Variants in HLA-DRB5 observed in about 807,000 individuals in gnomAD.
HLA-DRB5 encodes the protein DR beta-5.
A neutral mutation model predicts 22.4 loss-of-function variants in HLA-DRB5; 11 were observed. That is an observed-to-expected ratio of 0.49 (90% CI 0.31 to 0.81). The LOEUF is 0.81. HLA-DRB5 is among the 40% of genes least tolerant of loss of function. The pLI, the probability that HLA-DRB5 is intolerant of heterozygous loss-of-function variation, is 0.05. For missense variants in HLA-DRB5, 106 were observed against 274.4 expected (o/e 0.39, Z 4.34); for synonymous variants, 57 against 106.0 (o/e 0.54, Z 2.84).
chr6:32,529,695 CA>C (rs1350119735), intron 1 of HLA-DRB5, among the ~76,000 whole-genome samples: 1 of 94,352 alleles, frequency 1.1e-5, no homozygotes, highest in Non-Finnish European at 2.1e-5. Flanking sequence ...CAGGTTCTGT[CA>C]AGGGCATAAC....
rs796430061 is a variant in HLA-DRB5 at position 32,525,329 on chromosome 6, A to T, written c.101-3155T>A. On this transcript the variant is annotated intron_variant, in intron 1 of 5. Transcript: ENST00000374975. ...TTTTTGTAAGTGTGAAATTTAATAA[A>T]GAGTCTTCTTAGCAGTGATCACATA... Among the ~76,000 whole-genome samples the T allele has an allele frequency of 6.6e-4, 21 of 31,768 alleles. 7 individuals carry two copies. Among genetic ancestry groups the T allele is most frequent in the East Asian group, 8.7e-4 (1 of 1,156 alleles). 20.8% of individuals were successfully genotyped at this position (31,768 alleles called of 152,430 possible). A position where few individuals can be genotyped will look rare whatever the true frequency, so the allele number is the denominator to read the frequency against.
chr6:32,524,751 T>C (rs114987819), intron 1 of HLA-DRB5, among the ~76,000 whole-genome samples: 4,563 of 81,216 alleles, frequency 0.056, 12 homozygotes, highest in Middle Eastern at 0.078. Flanking sequence ...TCACTGTCAC[T>C]GTGGCTTGCA....
chr6:32,525,496 A>G (rs372601143), intron 1 of HLA-DRB5, among the ~76,000 whole-genome samples: 2 of 113,408 alleles, frequency 1.8e-5, no homozygotes, highest in East Asian at 4.9e-4. Context: ...TATTAGTTTC[A>G]TAAAGAATTG....
chr6:32,529,210 C>G (rs73727913), intron 1 of HLA-DRB5, among the ~76,000 whole-genome samples: 73,714 of 104,608 alleles, frequency 0.7, 25,982 homozygotes, highest in Middle Eastern at 0.8. Flanking sequence ...TGTCCACATT[C>G]TCTCTGTAAC....
Position 32,524,050 on chromosome 6 carries a change from G to A in HLA-DRB5, c.101-1876C>T, listed in dbSNP as rs997343543. ...CAAGGGTGATGGGAGGGAAAGGAGC[G>A]GTGGTGAACGATCCCTGGGTAAGAA... On this transcript the variant is annotated intron_variant, in intron 1 of 5. Transcript: ENST00000374975. Among the ~76,000 whole-genome samples the A allele has an allele frequency of 6.7e-5, 3 of 45,034 alleles. 1 individual carries two copies. 29.5% of individuals were successfully genotyped at this position (45,034 alleles called of 152,430 possible).
chr6:32,526,885 A>T (rs116419978), intron 1 of HLA-DRB5, among the ~76,000 whole-genome samples: 3,699 of 31,222 alleles, frequency 0.12, 670 homozygotes, highest in Non-Finnish European at 0.13. Flanking sequence ...AAATCATCTC[A>T]AACTTAAACA....
chr6:32,526,057 T>G (rs111504925), intron 1 of HLA-DRB5, among the ~76,000 whole-genome samples: 4,983 of 64,234 alleles, frequency 0.078, 99 homozygotes, highest in African/African-American at 0.1. Flanking sequence ...TTGATCCAGC[T>G]GGCTCCCTGA....
At chr6:32,523,376 T>C (rs114730467) in intron 1 of HLA-DRB5, among the ~76,000 whole-genome samples, 4,438 of 31,728 alleles carry the variant, frequency 0.14, 1,664 homozygotes, top group East Asian at 0.18. Context: ...ATATGTAAAA[T>C]ACTATATATT....
intron 2 of HLA-DRB5, 52 bp downstream of exon 2, chr6:32,521,853 A>ACCCT: frequency 1.7e-6 from 1 of 593,192 alleles, no homozygotes; most frequent in Non-Finnish European, 2.5e-6. Context: ...ACACACACAC[A>ACCCT]CTCAGATTCC....
chr6:32,528,318 TCCAC>T (rs1562452089), intron 1 of HLA-DRB5, among the ~76,000 whole-genome samples: 37 of 31,070 alleles, frequency 1.2e-3, no homozygotes, highest in Non-Finnish European at 2.3e-3. Flanking sequence ...GTCTGTCTCC[TCCAC>T]TCTTGTGTAA....
At position 32,518,622 on chromosome 6, in the gene HLA-DRB5, C is replaced by T. The variant is rs1336634184; in HGVS notation, c.697G>A (p.Gly233Arg). The T allele has an allele frequency of 4.5e-6, 3 of 661,298 alleles. 1 individual carries two copies. The highest frequency in any genetic ancestry group is 5.0e-5 in the South Asian group (2 of 40,294). 41.0% of individuals were successfully genotyped at this position (661,298 alleles called of 1,614,324 possible). Residue 233 changes from glycine (G) to arginine (R), a missense_variant, in exon 4 of 6, where the codon GGG (glycine) becomes AGG (arginine). By Grantham distance (125) the Gly-to-Arg change is moderately radical (BLOSUM62 -2). Coordinates refer to ENST00000374975, the MANE Select transcript of HLA-DRB5 (RefSeq NM_002125.4). ...SAQSKMLSGV[G>R]GFVLGLLFLG... ...AAGAGCAGGCCCAGCACAAAGCCCC[C>T]GACTCCACTCAGCATCTTGCTCTGT...
chr6:32,521,055 A>AAT (rs1554265262), intron 2 of HLA-DRB5, among the ~76,000 whole-genome samples: 53 of 28,370 alleles, frequency 1.9e-3, no homozygotes, highest in Admixed American at 3.3e-3. Flanking sequence ...CAAATAAAAA[A>AAT]ATAAATTAAA....
At chr6:32,525,843 T>C in intron 1 of HLA-DRB5, among the ~76,000 whole-genome samples, 1 of 71,646 alleles carries the variant, frequency 1.4e-5, no homozygotes, top group Non-Finnish European at 2.8e-5. Context: ...TATTCATCAC[T>C]CCATTCTCAT....
At chr6:32,523,768 AAACCAT>A (rs201186581) in intron 1 of HLA-DRB5, among the ~76,000 whole-genome samples, 18,725 of 77,118 alleles carry the variant, frequency 0.24, 381 homozygotes, top group Middle Eastern at 0.34. Flanking sequence ...AAGCAAAAAT[AAACCAT>A]AAAGAACTGA....
In HLA-DRB5 at chr6:32,520,131, G is replaced by A. The variant is rs375309052; in HGVS notation, c.371-480C>T. Among the ~76,000 whole-genome samples the A allele has an allele frequency of 8.9e-3, 340 of 38,346 alleles. 8 individuals carry two copies. The highest frequency in any genetic ancestry group is 0.024 in the Middle Eastern group (1 of 42). 25.2% of individuals were successfully genotyped at this position (38,346 alleles called of 152,430 possible). On this transcript the variant is annotated intron_variant, in intron 2 of 5. Coordinates refer to ENST00000374975, the MANE Select transcript of HLA-DRB5 (RefSeq NM_002125.4). Reference sequence around the variant, plus strand: ...ATATATAAAACAATGACTGAAGATAGCCTTTAATTTATGAGGTCATAAAGC... The same window carrying A: ...ATATATAAAACAATGACTGAAGATAACCTTTAATTTATGAGGTCATAAAGC...
At chr6:32,528,858 G>A (rs577767363) in intron 1 of HLA-DRB5, among the ~76,000 whole-genome samples, 338 of 23,446 alleles carry the variant, frequency 0.014, 29 homozygotes, top group Middle Eastern at 0.036. Flanking sequence ...AGGAAGGATA[G>A]CTTGAGTCTT....
At chr6:32,521,280 AC>A (rs371494104) in intron 2 of HLA-DRB5, among the ~76,000 whole-genome samples, 2,855 of 55,890 alleles carry the variant, frequency 0.051, 11 homozygotes, top group Non-Finnish European at 0.069. Context: ...GTAAAAATAT[AC>A]ACACTAAGAA....
chr6:32,522,920 A>AT (rs1420672636), intron 1 of HLA-DRB5, among the ~76,000 whole-genome samples: 943 of 50,262 alleles, frequency 0.019, 9 homozygotes, highest in Admixed American at 0.024. Flanking sequence ...GGGGAAGCAC[A>AT]TTTCAGGTTT....
At chr6:32,529,578 CTTG>C (rs1770094953) in intron 1 of HLA-DRB5, among the ~76,000 whole-genome samples, 1 of 38,506 alleles carries the variant, frequency 2.6e-5, no homozygotes, top group Non-Finnish European at 5.3e-5. Context: ...TGTCAGAGAC[CTTG>C]CATACATTAC....
Sources: gnomAD v4.1 joint callset for allele counts (sites outside exome capture counted in the v4.1 genomes callset) on GRCh38, gnomAD v4.1.1 for gene constraint, MANE v1.5 for transcripts, NCBI Gene and HGNC (gene_info 2026-07-23, HGNC 2026-07-21) for gene names.